The following USP4 variants were observed in gnomAD, a reference collection of about 807,000 sequenced individuals.
USP4 encodes the protein ubiquitin carboxyl-terminal hydrolase 4.
In USP4, 72 loss-of-function variants were observed where a neutral mutation model predicts 118.2. The observed-to-expected ratio is 0.61, with a 90% CI of 0.50 to 0.74. The LOEUF is 0.74. Ranked by LOEUF, USP4 falls within the 30% of genes least tolerant of loss-of-function variation. The probability of loss-of-function intolerance (pLI) is 0.00; values close to 1 mark genes in which losing one functional copy is unlikely to be tolerated. For missense variants in USP4, 1,037 were observed against 1,185.7 expected, an observed-to-expected ratio of 0.87 and a Z score of 1.84; for synonymous variants, 415 against 440.4, an observed-to-expected ratio of 0.94 and a Z score of 0.72.
chr3:49,328,437 G>A (rs1178340808), intron 2 of USP4, among the ~76,000 whole-genome samples: 3 of 152,054 alleles, frequency 2.0e-5, no homozygotes, highest in Non-Finnish European at 2.9e-5. Context: ...TTCAGGGCAG[G>A]GTTCCTTTGT....
chr3:49,295,714 G>GCGCACACACA (rs149459963), intron 13 of USP4, among the ~76,000 whole-genome samples: 46 of 148,412 alleles, frequency 3.1e-4, no homozygotes, highest in African/African-American at 1.1e-3. Context: ...GCGCGCGCGC[G>GCGCACACACA]CACACACACA....
intron 11 of USP4, among the ~76,000 whole-genome samples, chr3:49,298,962 T>C (rs970091295): frequency 1.3e-5 from 2 of 152,190 alleles, no homozygotes; most frequent in African/African-American, 4.8e-5. Context: ...CCTTTTTATT[T>C]TATTTTTATT....
chr3:49,279,015 TAA>T, intron 20 of USP4, 113 bp from the exon 21 acceptor site: 2 of 584,492 alleles, frequency 3.4e-6, no homozygotes, highest in Non-Finnish European at 5.6e-6. Context: ...CCCCTGAAAT[TAA>T]AAAAGTTTAC....
At chr3:49,331,438 T>C (rs2047616969) in intron 2 of USP4, among the ~76,000 whole-genome samples, 2 of 151,420 alleles carry the variant, frequency 1.3e-5, no homozygotes, top group South Asian at 2.1e-4. Flanking sequence ...CTGGCCAAAA[T>C]AGCAAAACCC....
chr3:49,278,724 T>A, intron 21 of USP4, 90 bp downstream of exon 21: 1 of 1,068,096 alleles, frequency 9.4e-7, no homozygotes, highest in Non-Finnish European at 1.4e-6. Context: ...CACATCAGGA[T>A]GATGAAATAA....
chr3:49,333,726 A>G (rs2047642656), intron 2 of USP4, among the ~76,000 whole-genome samples: 1 of 152,136 alleles, frequency 6.6e-6, no homozygotes, highest in Admixed American at 6.6e-5. Flanking sequence ...CCCCAAAACA[A>G]TTACAATAGC....
intron 16 of USP4, 62 bp from the exon 17 acceptor site, chr3:49,284,981 T>C: frequency 7.4e-7 from 1 of 1,348,528 alleles, no homozygotes; most frequent in Non-Finnish European, 1.0e-6. Flanking sequence ...GCTCTCCAAG[T>C]GACAGGAGTG....
At chr3:49,297,715 C>G (rs986397637) in intron 13 of USP4, among the ~76,000 whole-genome samples, 155 bp downstream of exon 13, 2 of 152,146 alleles carry the variant, frequency 1.3e-5, no homozygotes, top group African/African-American at 4.8e-5. Context: ...TGGCTGCCCA[C>G]GATGCCCTCA....
chr3:49,325,532 C>A (rs568007913), intron 4 of USP4, among the ~76,000 whole-genome samples, 187 bp downstream of exon 4: 1 of 152,026 alleles, frequency 6.6e-6, no homozygotes, highest in African/African-American at 2.4e-5. Flanking sequence ...AGGAGCAGGC[C>A]CAGTGTTCTC....
In USP4 at chr3:49,280,730, A is replaced by G. The variant is rs771518270; in HGVS notation, c.2644+14T>C. Reference sequence around the variant, plus strand: ...ATTTCAACATCTCAGAAGGAAGCAGATGTCAATACTTACAGTGGCCAACCC... The same window carrying G: ...ATTTCAACATCTCAGAAGGAAGCAGGTGTCAATACTTACAGTGGCCAACCC... On this transcript the variant is annotated intron_variant, in intron 20 of 21. Coordinates refer to ENST00000265560, the MANE Select transcript of USP4 (RefSeq NM_003363.4). The G allele has an allele frequency of 6.3e-5, 102 of 1,607,528 alleles. No individual in the cohort carries two copies. The highest frequency in any genetic ancestry group is 1.2e-4 in the Admixed American group (7 of 59,952).
At position 49,311,645 on chromosome 3, in the gene USP4, A is replaced by G; in HGVS notation, c.705T>C (p.Thr235=). The change falls in exon 7 of 22, where the codon ACT becomes ACC. Residue 235 remains threonine (T), a synonymous_variant. Transcript: ENST00000265560. ...AGGTAGTAAAATTTCTGCTAGGCGC[A>G]GTGCTTGATCTGGGAGAGAGAAGCA... ...PRQTLQSKSS[T]APSRNFTTSP... 6.2e-7 allele frequency: 1 copy of G among 1,613,792 alleles called. No individual in the cohort carries two copies. Among genetic ancestry groups the G allele is most frequent in the Non-Finnish European group, 8.5e-7 (1 of 1,179,772 alleles).
At chr3:49,293,172 T>C (rs2047168068) in intron 14 of USP4, among the ~76,000 whole-genome samples, 4 of 151,786 alleles carry the variant, frequency 2.6e-5, no homozygotes, top group Admixed American at 2.6e-4. Flanking sequence ...AGGTCAGGAT[T>C]TCCAGACCAG....
chr3:49,300,482 G>C lies in USP4; in HGVS notation c.1497C>G (p.His499Gln), dbSNP rs777351532. 6.2e-7 allele frequency: 1 copy of C among 1,614,046 alleles called. No individual in the cohort carries two copies. Among genetic ancestry groups the C allele is most frequent in the Non-Finnish European group, 8.5e-7 (1 of 1,180,028 alleles). ...ATTCTGTCACCTGAGTAGGTCTGCA[G>C]TGAGGGTCAGCAGGAACCAGGAAAA... The part of the protein sequence containing the change: ...MEVFLVPADP[H>Q]CRPTQYRVTV... The change falls in exon 11 of 22, where the codon CAC becomes CAG. Residue 499 changes from histidine to glutamine, a missense_variant. Around this residue, in one of 3 missense-constraint regions of USP4, gnomAD observed 522 missense variants for 592.6 expected, o/e 0.88. Transcript: ENST00000265560.
chr3:49,307,752 T>C (rs1013884930), intron 8 of USP4, among the ~76,000 whole-genome samples: 2 of 152,064 alleles, frequency 1.3e-5, no homozygotes, highest in Non-Finnish European at 1.5e-5. Context: ...GAGACCAGCC[T>C]GGGCATCATA....
At chr3:49,305,685 C>T in intron 9 of USP4, 30 bp downstream of exon 9, 2 of 1,535,044 alleles carry the variant, frequency 1.3e-6, no homozygotes, top group Non-Finnish European at 1.8e-6. Context: ...TACAGGGATA[C>T]CCAACCCATA....
intron 8 of USP4, 107 bp downstream of exon 8, chr3:49,310,513 G>C (rs371486640): frequency 9.8e-6 from 9 of 915,208 alleles, no homozygotes; most frequent in Non-Finnish European, 1.6e-5. Flanking sequence ...GCACCAACAA[G>C]GGGTAGGCAG....
intron 19 of USP4, among the ~76,000 whole-genome samples, chr3:49,281,708 C>T (rs1164960066): frequency 7.0e-6 from 1 of 142,746 alleles, no homozygotes; most frequent in East Asian, 2.1e-4. Context: ...GAGCGTAACT[C>T]CGTCTCAAAA....
intron 8 of USP4, among the ~76,000 whole-genome samples, chr3:49,310,243 G>A (rs2047370355): frequency 6.6e-6 from 1 of 152,102 alleles, no homozygotes; most frequent in Admixed American, 6.6e-5. Flanking sequence ...TATTTTTAGT[G>A]AAAAGGTAGT....
In USP4 at chr3:49,302,409, T is replaced by G; in HGVS notation, c.1262A>C (p.Lys421Thr). ...RVKKKPYLELKDANGRPDAVV... is the reference protein window; with the variant it reads ...RVKKKPYLELTDANGRPDAVV... ...CGCATCTGGCCGCCCATTGGCATCC[T>G]TCAGCTCCAAGTAGGGCTTTTTCTT... Residue 421 changes from lysine to threonine, a missense_variant, in exon 10 of 22, where the codon AAG becomes ACG. This residue lies in a region of USP4 where 487 missense variants were observed against 534.1 expected (regional missense o/e 0.91). Transcript: ENST00000265560. The G allele has an allele frequency of 6.2e-7, 1 of 1,614,010 alleles. No homozygotes were observed. The highest frequency in any genetic ancestry group is 1.7e-4 in the Middle Eastern group (1 of 6,060).
Sources: gnomAD v4.1 joint callset for allele counts (sites outside exome capture counted in the v4.1 genomes callset) on GRCh38, gnomAD v4.1.1 for gene constraint, gnomAD v4.1.1 regional missense constraint, MANE v1.5 for transcripts, NCBI Gene and HGNC (gene_info 2026-07-23, HGNC 2026-07-21) for gene names.